The following CSMD1 variants were observed in gnomAD, a reference collection of about 807,000 sequenced individuals.
CSMD1 encodes CUB and Sushi multiple domains 1, also known as CUB and sushi domain-containing protein 1.
A neutral mutation model predicts 417.5 loss-of-function variants in CSMD1; 213 were observed. That is an observed-to-expected ratio of 0.51 (90% CI 0.46 to 0.57). The LOEUF is 0.57. Ranked by LOEUF, CSMD1 falls within the 20% of genes least tolerant of loss-of-function variation. CSMD1 has a pLI of 0.00. For synonymous variants in CSMD1, 2,862 were observed against 1,736.8 expected (o/e 1.65, Z -16.11); for missense variants, 6,923 against 4,529.7 (o/e 1.53, Z -15.17).
chr8:3,890,199 G>T (rs1013749443), intron 5 of CSMD1, among the ~76,000 whole-genome samples: 1 of 152,054 alleles, frequency 6.6e-6, no homozygotes, highest in African/African-American at 2.4e-5. Context: ...TCCCTAAGAA[G>T]AATACAATTT....
chr8:4,819,853 G>C (rs777580114), intron 1 of CSMD1, among the ~76,000 whole-genome samples: 121 of 152,116 alleles, frequency 8.0e-4, no homozygotes, highest in Non-Finnish European at 1.0e-3. Context: ...AACGAGTGTA[G>C]GGAACCCTTC....
intron 40 of CSMD1, among the ~76,000 whole-genome samples, chr8:3,145,230 A>T (rs1818772729): frequency 1.3e-5 from 2 of 152,284 alleles, no homozygotes; most frequent in South Asian, 4.1e-4. Flanking sequence ...AATTGCTGGC[A>T]CTTCTACGTA....
chr8:4,361,876 A>T (rs1801787454), intron 3 of CSMD1, among the ~76,000 whole-genome samples: 1 of 151,786 alleles, frequency 6.6e-6, no homozygotes, highest in African/African-American at 2.4e-5. Context: ...AATTGCTTGA[A>T]CCCGGGAGGC....
At chr8:3,641,587 T>G (rs186582174) in intron 7 of CSMD1, among the ~76,000 whole-genome samples, 12 of 152,216 alleles carry the variant, frequency 7.9e-5, no homozygotes, top group African/African-American at 2.7e-4. Flanking sequence ...TCATGATTTA[T>G]GCTTCTTATG....
intron 6 of CSMD1, among the ~76,000 whole-genome samples, chr8:3,719,228 G>T (rs1210712451): frequency 1.3e-5 from 2 of 151,290 alleles, no homozygotes; most frequent in African/African-American, 2.5e-5. Flanking sequence ...GCCTTCCAAG[G>T]TGTTCACCTT....
intron 3 of CSMD1, among the ~76,000 whole-genome samples, chr8:4,178,860 C>A (rs982390474): frequency 6.6e-6 from 1 of 152,034 alleles, no homozygotes; most frequent in Non-Finnish European, 1.5e-5. Flanking sequence ...CTTAGAAATC[C>A]AACTTACAAG....
intron 5 of CSMD1, among the ~76,000 whole-genome samples, chr8:3,819,678 G>A (rs995209171): frequency 6.6e-6 from 1 of 152,094 alleles, no homozygotes; most frequent in African/African-American, 2.4e-5. Flanking sequence ...TGGCCTACTG[G>A]GGGTCTTAGG....
chr8:3,712,398 G>GAGAGACAGAC (rs1198058991), intron 6 of CSMD1, among the ~76,000 whole-genome samples: 16 of 28,870 alleles, frequency 5.5e-4, no homozygotes, highest in African/African-American at 1.2e-3. Flanking sequence ...GAGAGAGAGA[G>GAGAGACAGAC]AGACAGACAG....
At chr8:3,915,876 A>G (rs1021928921) in intron 5 of CSMD1, among the ~76,000 whole-genome samples, 5 of 149,966 alleles carry the variant, frequency 3.3e-5, no homozygotes, top group African/African-American at 1.2e-4. Context: ...TTGTTTTTGA[A>G]TAACAAGGAA....
intron 5 of CSMD1, among the ~76,000 whole-genome samples, chr8:3,949,797 C>A (rs2740867): frequency 1.3e-5 from 2 of 152,114 alleles, no homozygotes; most frequent in African/African-American, 2.4e-5. Context: ...GCCTCTAACA[C>A]ATGGAAAGCT....
At chr8:4,486,657 G>T (rs932934085) in intron 2 of CSMD1, among the ~76,000 whole-genome samples, 4 of 151,884 alleles carry the variant, frequency 2.6e-5, no homozygotes, top group Non-Finnish European at 5.9e-5. Flanking sequence ...ACATATAGAT[G>T]GGGAAACTGA....
At chr8:4,326,197 A>G (rs1378830050) in intron 3 of CSMD1, among the ~76,000 whole-genome samples, 2 of 152,160 alleles carry the variant, frequency 1.3e-5, no homozygotes, top group Non-Finnish European at 2.9e-5. Context: ...GGGGATGCCA[A>G]TGCTGCCGAT....
chr8:4,115,868 A>G (rs1160534843), intron 3 of CSMD1, among the ~76,000 whole-genome samples: 1 of 152,148 alleles, frequency 6.6e-6, no homozygotes, highest in Admixed American at 6.5e-5. Context: ...CAATCATATG[A>G]CATTCTGGGA....
At chr8:4,689,509 T>C (rs1234700162) in intron 1 of CSMD1, among the ~76,000 whole-genome samples, 2 of 152,224 alleles carry the variant, frequency 1.3e-5, no homozygotes, top group Non-Finnish European at 2.9e-5. Context: ...CTTGGATAAC[T>C]TCTCAGAGAA....
chr8:3,111,391 T>A (rs1816506935), intron 42 of CSMD1, among the ~76,000 whole-genome samples: 1 of 152,186 alleles, frequency 6.6e-6, no homozygotes, highest in Admixed American at 6.5e-5. Context: ...TTTAGAAGTT[T>A]TACTGCGTAA....
intron 5 of CSMD1, among the ~76,000 whole-genome samples, chr8:3,968,301 TA>T (rs1812831284): frequency 6.6e-6 from 1 of 152,120 alleles, no homozygotes; most frequent in South Asian, 2.1e-4. Context: ...ACAATACTCA[TA>T]GGCAGCATGA....
intron 1 of CSMD1, among the ~76,000 whole-genome samples, chr8:4,868,597 T>C (rs1207289957): frequency 6.6e-6 from 1 of 152,080 alleles, no homozygotes; most frequent in Non-Finnish European, 1.5e-5. Flanking sequence ...TTCGTCTAAA[T>C]TGAGGCATAA....
intron 7 of CSMD1, among the ~76,000 whole-genome samples, chr8:3,618,086 C>A (rs1297577531): frequency 6.6e-6 from 1 of 152,102 alleles, no homozygotes; most frequent in East Asian, 1.9e-4. Flanking sequence ...ACTGCAGCCT[C>A]AACCTCCCAG....
chr8:3,867,099 T>C (rs1194196379), intron 5 of CSMD1, among the ~76,000 whole-genome samples: 1 of 152,202 alleles, frequency 6.6e-6, no homozygotes, highest in Non-Finnish European at 1.5e-5. Context: ...TGTAACCATT[T>C]TGATTGATTG....
Sources: allele counts gnomAD v4.1 joint callset (sites outside exome capture counted in the v4.1 genomes callset), GRCh38; gene constraint gnomAD v4.1.1; transcripts MANE v1.5; gene names NCBI Gene and HGNC (gene_info 2026-07-23, HGNC 2026-07-21).